PHACTR1: variants seen among roughly 807,000 people sequenced by gnomAD.
The protein encoded by PHACTR1 is RPEL repeat containing 1.
Under a neutral mutation model 69.2 loss-of-function variants are expected in PHACTR1, and 16 were observed. That is an observed-to-expected ratio of 0.23 (90% CI 0.16 to 0.35). The LOEUF is 0.35. Among genes scored for constraint, PHACTR1 ranks in the 10% least tolerant of loss-of-function variants. PHACTR1 has a pLI of 1.00. For synonymous variants in PHACTR1, 312 were observed against 284.5 expected, an observed-to-expected ratio of 1.10 and a Z score of -0.97; for missense variants, 510 against 734.7, an observed-to-expected ratio of 0.69 and a Z score of 3.54.
intron 3 of PHACTR1, among the ~76,000 whole-genome samples, chr6:12,725,888 T>G (rs1762726692): frequency 6.6e-6 from 1 of 152,158 alleles, no homozygotes; most frequent in East Asian, 1.9e-4. Context: ...TTAAAAAAAT[T>G]TTTATATTTT....
chr6:12,905,843 C>T (rs1222605709), intron 4 of PHACTR1, among the ~76,000 whole-genome samples: 2 of 152,134 alleles, frequency 1.3e-5, no homozygotes, highest in East Asian at 3.8e-4. Context: ...TAGAATATTC[C>T]TACGTGGCAA....
intron 4 of PHACTR1, among the ~76,000 whole-genome samples, chr6:12,806,090 T>C (rs969074831): frequency 6.6e-6 from 1 of 152,120 alleles, no homozygotes; most frequent in Non-Finnish European, 1.5e-5. Flanking sequence ...TTCAGTTCTC[T>C]CTCTACACTG....
At chr6:13,231,029 AAGAG>A (rs201424900) in intron 10 of PHACTR1, among the ~76,000 whole-genome samples, 1,495 of 134,100 alleles carry the variant, frequency 0.011, 101 homozygotes, top group African/African-American at 0.041. Context: ...GAAAGAAAGA[AAGAG>A]AGAGAGAGAG....
intron 4 of PHACTR1, among the ~76,000 whole-genome samples, chr6:12,823,290 T>C (rs552995741): frequency 6.6e-6 from 1 of 152,328 alleles, no homozygotes; most frequent in East Asian, 1.9e-4. Context: ...AAATGACACA[T>C]GGTGAGTGCT....
chr6:13,185,577 T>C (rs960359564), intron 7 of PHACTR1, among the ~76,000 whole-genome samples: 1 of 152,218 alleles, frequency 6.6e-6, no homozygotes, highest in African/African-American at 2.4e-5. Context: ...GCAGTGTTTC[T>C]GAAGTGTTAC....
At chr6:13,071,132 T>G (rs971273589) in intron 5 of PHACTR1, among the ~76,000 whole-genome samples, 2 of 151,968 alleles carry the variant, frequency 1.3e-5, no homozygotes, top group Non-Finnish European at 2.9e-5. Flanking sequence ...ATCGCATGAA[T>G]GAAAGAAAGT....
chr6:13,152,956 G>A (rs1156311316), intron 5 of PHACTR1, among the ~76,000 whole-genome samples: 3 of 152,130 alleles, frequency 2.0e-5, no homozygotes, highest in East Asian at 1.9e-4. Context: ...CTGTCACATA[G>A]GGGTGGTCTC....
chr6:12,954,164 C>T (rs1253713519), intron 4 of PHACTR1, among the ~76,000 whole-genome samples: 4 of 151,524 alleles, frequency 2.6e-5, no homozygotes. Context: ...GCAGGGAGAC[C>T]GAGAAGCCAT....
At chr6:13,167,828 A>G (rs1484557363) in intron 6 of PHACTR1, among the ~76,000 whole-genome samples, 1 of 152,240 alleles carries the variant, frequency 6.6e-6, no homozygotes, top group Non-Finnish European at 1.5e-5. Context: ...CCTGAAATGG[A>G]CAACTCTTTT....
At chr6:12,931,245 A>G (rs894648915) in intron 4 of PHACTR1, among the ~76,000 whole-genome samples, 14 of 151,580 alleles carry the variant, frequency 9.2e-5, no homozygotes, top group African/African-American at 3.4e-4. Context: ...AGTGAGAAGG[A>G]GGTAAAGGAA....
At chr6:12,929,638 C>G (rs9381507) in intron 4 of PHACTR1, among the ~76,000 whole-genome samples, 25,105 of 152,150 alleles carry the variant, frequency 0.17, 4,707 homozygotes, top group African/African-American at 0.46. Flanking sequence ...GTTCCTCAGT[C>G]ACACCACTTC....
chr6:12,974,461 C>T (rs1345966166), intron 4 of PHACTR1, among the ~76,000 whole-genome samples: 3 of 152,186 alleles, frequency 2.0e-5, no homozygotes, highest in Admixed American at 6.5e-5. Flanking sequence ...AATGTCCCGG[C>T]CCGTTAACCA....
rs780505347 is a variant in PHACTR1, at chr6:13,019,072, A to ATTT, written c.251-34292_251-34291insTTT. 2.3e-3 allele frequency among the ~76,000 whole-genome samples: 327 copies of ATTT among 144,742 alleles called. 2 individuals carry two copies. The highest frequency in any genetic ancestry group is 0.018 in the Middle Eastern group (5 of 280). 95.0% of individuals were successfully genotyped at this position (144,742 alleles called of 152,430 possible). The stretch of plus-strand genomic sequence containing the variant: ...AGTTGAAATATATATATATATATAT[A>ATTT]TATTTTTTCTTTTTCTTTTTGTAGA... On this transcript the variant is annotated intron_variant, in intron 4 of 14. Coordinates refer to ENST00000332995, the MANE Select transcript of PHACTR1 (RefSeq NM_030948.6).
intron 4 of PHACTR1, among the ~76,000 whole-genome samples, chr6:12,768,410 G>A (rs1374043492): frequency 1.3e-5 from 2 of 152,086 alleles, no homozygotes; most frequent in African/African-American, 4.8e-5. Context: ...CACCGCGCCC[G>A]GCCCAAATCC....
chr6:12,951,853 G>A (rs75049048), intron 4 of PHACTR1, among the ~76,000 whole-genome samples: 2,728 of 152,240 alleles, frequency 0.018, 67 homozygotes, highest in African/African-American at 0.062. Context: ...TGAAGCACCC[G>A]GTGTATTTTC....
chr6:12,810,241 G>A (rs1420469593), intron 4 of PHACTR1, among the ~76,000 whole-genome samples: 1 of 152,098 alleles, frequency 6.6e-6, no homozygotes, highest in Admixed American at 6.6e-5. Flanking sequence ...TTTTCTCACT[G>A]ATAATAAGAG....
Position 13,285,414 on chromosome 6 carries a change from A to G in PHACTR1, c.1651-732A>G, listed in dbSNP as rs142263806. Among the ~76,000 whole-genome samples the G allele has an allele frequency of 6.7e-3, 1,026 of 152,276 alleles. 8 individuals carry two copies. The highest frequency in any genetic ancestry group is 0.023 in the African/African-American group (972 of 41,546). ...TCGGCCATAGACAGAGCTATGCAAG[A>G]AGGCACACGTTTGCAATTTCCACCC... On this transcript the variant is annotated intron_variant, in intron 13 of 14. Transcript: ENST00000332995.
intron 4 of PHACTR1, among the ~76,000 whole-genome samples, chr6:12,963,293 T>C (rs1171927113): frequency 2.6e-5 from 4 of 152,174 alleles, no homozygotes; most frequent in Middle Eastern, 3.2e-3. Context: ...TGCTCACTGC[T>C]TCCTCTTCCC....
chr6:12,717,236 C>A (rs1408405561), intron 1 of PHACTR1, among the ~76,000 whole-genome samples: 1 of 152,026 alleles, frequency 6.6e-6, no homozygotes, highest in East Asian at 1.9e-4. Flanking sequence ...AACTGGTGCC[C>A]CCACAAAAAT....
Sources: gnomAD v4.1 joint callset for allele counts (sites outside exome capture counted in the v4.1 genomes callset) on GRCh38, gnomAD v4.1.1 for gene constraint, MANE v1.5 for transcripts, NCBI Gene and HGNC (gene_info 2026-07-23, HGNC 2026-07-21) for gene names.